SKAP2: variants seen among roughly 807,000 people sequenced by gnomAD.
SKAP2 encodes the protein src kinase associated phosphoprotein 2.
In SKAP2, 28 loss-of-function variants were observed where a neutral mutation model predicts 54.9. That is an observed-to-expected ratio of 0.51 (90% confidence interval 0.38 to 0.70). The LOEUF is 0.70. SKAP2 is among the 30% of genes least tolerant of loss of function. The probability of loss-of-function intolerance (pLI) is 0.00; values close to 1 mark genes in which losing one functional copy is unlikely to be tolerated. For synonymous variants in SKAP2, 137 were observed against 134.3 expected, an observed-to-expected ratio of 1.02 and a Z score of -0.14; for missense variants, 356 against 424.1, an observed-to-expected ratio of 0.84 and a Z score of 1.41.
At chr7:26,744,739 T>TACAC (rs35916384) in intron 4 of SKAP2, among the ~76,000 whole-genome samples, 1 of 150,388 alleles carries the variant, frequency 6.6e-6, no homozygotes, top group African/African-American at 2.4e-5. Flanking sequence ...ATGTTACACA[T>TACAC]ACACACACAC....
At chr7:26,863,862 A>G (rs772841837) in intron 1 of SKAP2, among the ~76,000 whole-genome samples, 14 of 152,054 alleles carry the variant, frequency 9.2e-5, no homozygotes, top group African/African-American at 4.8e-5. Context: ...TAGAAATGAC[A>G]AACTCTTTCA....
chr7:26,854,662 C>CTTAA lies in SKAP2; in HGVS notation c.173+119_173+122dup. ...ATATATTTTTTGCCCTTCAAAAATACTTAACATCAGTTAAACTGGAACATG... is the reference window on the plus strand; with the variant it reads ...ATATATTTTTTGCCCTTCAAAAATACTTAATTAACATCAGTTAAACTGGAACATG... On this transcript the variant is annotated intron_variant, in intron 2 of 12. Transcript: ENST00000345317. The CTTAA allele has an allele frequency of 5.1e-6, 5 of 982,388 alleles. No homozygotes were observed. In the South Asian group the frequency reaches 7.8e-5, roughly 15 times the overall value. 60.9% of individuals were successfully genotyped at this position (982,388 alleles called of 1,614,324 possible). A position where few individuals can be genotyped will look rare whatever the true frequency, so the allele number is the denominator to read the frequency against.
At chr7:26,738,628 G>A (rs1562592844) in intron 6 of SKAP2, among the ~76,000 whole-genome samples, 167 bp downstream of exon 6, 1 of 152,018 alleles carries the variant, frequency 6.6e-6, no homozygotes, top group Non-Finnish European at 1.5e-5. Flanking sequence ...GGTATTTGGA[G>A]CATTTGTCAA....
At position 26,747,352 on chromosome 7, in the gene SKAP2, G is replaced by T. The variant is rs1022882457; in HGVS notation, c.308-7388C>A. 3.9e-5 allele frequency among the ~76,000 whole-genome samples: 6 copies of T among 152,176 alleles called. No homozygotes were observed. In the South Asian group the frequency reaches 1.2e-3, roughly 32 times the overall value. On this transcript the variant is annotated intron_variant, in intron 4 of 12. Transcript: ENST00000345317. ...AGTAGAACCATAGAATTCTCAGGAG[G>T]GTTATGCTTTGGGGAAAAGGCTTTA... is the stretch of plus-strand genomic sequence containing the variant.
intron 9 of SKAP2, among the ~76,000 whole-genome samples, chr7:26,708,832 G>A (rs1394052913): frequency 6.6e-6 from 1 of 152,106 alleles, no homozygotes; most frequent in Non-Finnish European, 1.5e-5. Flanking sequence ...TGTATCTCCA[G>A]TGTCTAGCAC....
chr7:26,729,865 C>G (rs1436978450), intron 6 of SKAP2, among the ~76,000 whole-genome samples: 1 of 152,010 alleles, frequency 6.6e-6, no homozygotes, highest in Non-Finnish European at 1.5e-5. Context: ...CAAAGAAAGA[C>G]CTAACTTTGC....
intron 4 of SKAP2, among the ~76,000 whole-genome samples, chr7:26,787,641 C>G (rs763677697): frequency 5.3e-5 from 8 of 152,046 alleles, no homozygotes; most frequent in Non-Finnish European, 1.0e-4. Context: ...AGCTTTTTTA[C>G]TCATGGTGAA....
chr7:26,737,575 A>C (rs1422320342), intron 6 of SKAP2, among the ~76,000 whole-genome samples: 2 of 152,258 alleles, frequency 1.3e-5, no homozygotes, highest in African/African-American at 4.8e-5. Context: ...AATGTCAAAT[A>C]AAACATAAAT....
chr7:26,700,249 T>C (rs1268865787), intron 9 of SKAP2, among the ~76,000 whole-genome samples: 5 of 152,208 alleles, frequency 3.3e-5, no homozygotes, highest in Admixed American at 2.6e-4. Flanking sequence ...CCTGACCACA[T>C]GTCTTACTGA....
At chr7:26,805,045 A>G (rs565998783) in intron 4 of SKAP2, among the ~76,000 whole-genome samples, 2 of 152,228 alleles carry the variant, frequency 1.3e-5, no homozygotes, top group Admixed American at 1.3e-4. Context: ...ATATACTACA[A>G]TTTTAACAGG....
chr7:26,838,153 C>T (rs528545737), intron 4 of SKAP2, among the ~76,000 whole-genome samples: 1 of 152,262 alleles, frequency 6.6e-6, no homozygotes, highest in East Asian at 1.9e-4. Context: ...ATTTAACTTC[C>T]AGGACAATAT....
intron 4 of SKAP2, among the ~76,000 whole-genome samples, chr7:26,821,122 T>C (rs55739485): frequency 0.21 from 32,295 of 152,102 alleles, 3,509 homozygotes; most frequent in Non-Finnish European, 0.24. Flanking sequence ...AGTTTATCTT[T>C]TTTAAAGTCC....
chr7:26,820,141 C>T (rs1292545211), intron 4 of SKAP2, among the ~76,000 whole-genome samples: 2 of 152,084 alleles, frequency 1.3e-5, no homozygotes, highest in East Asian at 3.8e-4. Context: ...TATGATTGTA[C>T]CTGTGAATAG....
chr7:26,767,184 G>C (rs1241184626), intron 4 of SKAP2, among the ~76,000 whole-genome samples: 2 of 152,250 alleles, frequency 1.3e-5, no homozygotes, highest in Non-Finnish European at 2.9e-5. Flanking sequence ...ACTTCTTCCT[G>C]TTTCAGACTT....
At chr7:26,847,639 G>A (rs112207849) in intron 3 of SKAP2, among the ~76,000 whole-genome samples, 10 of 152,020 alleles carry the variant, frequency 6.6e-5, no homozygotes, top group Non-Finnish European at 1.2e-4. Context: ...CTAAAGAAAA[G>A]CACACTCAAA....
At chr7:26,777,814 T>C (rs776009720) in intron 4 of SKAP2, among the ~76,000 whole-genome samples, 5 of 152,076 alleles carry the variant, frequency 3.3e-5, no homozygotes, top group Non-Finnish European at 5.9e-5. Flanking sequence ...ATGAATGGTA[T>C]TTCAAGGTAA....
intron 4 of SKAP2, among the ~76,000 whole-genome samples, chr7:26,830,261 C>T (rs10225700): frequency 0.21 from 32,097 of 151,818 alleles, 3,422 homozygotes; most frequent in Non-Finnish European, 0.23. Flanking sequence ...TAGGAGAAAA[C>T]TGAGAGTGAC....
chr7:26,756,812 C>T (rs565860140), intron 4 of SKAP2, among the ~76,000 whole-genome samples: 75 of 152,286 alleles, frequency 4.9e-4, no homozygotes, highest in Middle Eastern at 3.4e-3. Context: ...TAAAAGTGTT[C>T]CTATTTCTCC....
chr7:26,692,380 C>T (rs1786804979), intron 9 of SKAP2, among the ~76,000 whole-genome samples: 1 of 152,100 alleles, frequency 6.6e-6, no homozygotes, highest in African/African-American at 2.4e-5. Context: ...GTCTGGGCAA[C>T]TGCAAAGTAT....
Sources: gnomAD v4.1 joint callset for allele counts (sites outside exome capture counted in the v4.1 genomes callset) on GRCh38, gnomAD v4.1.1 for gene constraint, MANE v1.5 for transcripts, NCBI Gene and HGNC (gene_info 2026-07-23, HGNC 2026-07-21) for gene names.